Variants in CNTN4 observed in about 807,000 individuals in gnomAD.
CNTN4 encodes the protein contactin 4, also known as contactin-4.
In CNTN4, 77 loss-of-function variants were observed where a neutral mutation model predicts 122.5. That is an observed-to-expected ratio of 0.63 (90% CI 0.52 to 0.76). The LOEUF is 0.76. Ranked by LOEUF, CNTN4 falls within the 30% of genes least tolerant of loss-of-function variation. CNTN4 has a pLI of 0.00. For synonymous variants in CNTN4, 512 were observed against 447.0 expected (o/e 1.15, Z -1.83); for missense variants, 1,256 against 1,259.1 (o/e 1.00, Z 0.04).
At chr3:2,315,687 C>T (rs1014525300) in intron 2 of CNTN4, among the ~76,000 whole-genome samples, 5 of 151,786 alleles carry the variant, frequency 3.3e-5, no homozygotes, top group Admixed American at 1.3e-4. Flanking sequence ...TAAATTTATG[C>T]GTCCTAGAAT....
At chr3:2,673,900 T>A (rs999262814) in intron 4 of CNTN4, among the ~76,000 whole-genome samples, 1 of 152,086 alleles carries the variant, frequency 6.6e-6, no homozygotes, top group African/African-American at 2.4e-5. Context: ...GAATGTTGCT[T>A]TGAGACCTCC....
chr3:2,642,059 C>G (rs891446979), intron 4 of CNTN4, among the ~76,000 whole-genome samples: 29 of 152,134 alleles, frequency 1.9e-4, no homozygotes, highest in Non-Finnish European at 4.0e-4. Context: ...AGCACTAACT[C>G]ACATGATCAC....
intron 3 of CNTN4, among the ~76,000 whole-genome samples, chr3:2,377,222 AGTT>A (rs1278235398): frequency 6.6e-6 from 1 of 151,998 alleles, no homozygotes; most frequent in African/African-American, 2.4e-5. Flanking sequence ...TACCATATCC[AGTT>A]GTTGTTGAAC....
intron 3 of CNTN4, among the ~76,000 whole-genome samples, chr3:2,557,661 G>A (rs1432892843): frequency 6.6e-6 from 1 of 151,708 alleles, no homozygotes; most frequent in African/African-American, 2.4e-5. Context: ...CCTGGGAGGC[G>A]GAGCTTGCAG....
intron 4 of CNTN4, among the ~76,000 whole-genome samples, chr3:2,590,320 G>T (rs1459246691): frequency 6.6e-6 from 1 of 152,162 alleles, no homozygotes. Flanking sequence ...GCAGTGGCAC[G>T]ATCTTGGCTC....
chr3:2,477,937 T>C (rs918092922), intron 3 of CNTN4, among the ~76,000 whole-genome samples: 1 of 152,320 alleles, frequency 6.6e-6, no homozygotes, highest in Middle Eastern at 3.4e-3. Context: ...GAGATTTTGC[T>C]GAAACATATA....
intron 2 of CNTN4, among the ~76,000 whole-genome samples, chr3:2,188,391 C>G (rs886299558): frequency 1.3e-5 from 2 of 152,138 alleles, no homozygotes; most frequent in African/African-American, 4.8e-5. Flanking sequence ...TTGCTGAAAA[C>G]AAATGCTTCA....
chr3:2,612,744 A>G (rs564385994), intron 4 of CNTN4, among the ~76,000 whole-genome samples: 1 of 152,274 alleles, frequency 6.6e-6, no homozygotes, highest in African/African-American at 2.4e-5. Context: ...TCATGTCTCT[A>G]TTACAGAATA....
intron 12 of CNTN4, among the ~76,000 whole-genome samples, chr3:2,917,055 C>T (rs1355724668): frequency 7.9e-6 from 1 of 126,146 alleles, no homozygotes; most frequent in Admixed American, 8.2e-5. Context: ...ATCCCGGCAC[C>T]TCGGGAGGCC....
At chr3:2,958,977 A>C (rs1217197371) in intron 13 of CNTN4, among the ~76,000 whole-genome samples, 1 of 152,212 alleles carries the variant, frequency 6.6e-6, no homozygotes, top group Non-Finnish European at 1.5e-5. Context: ...CCTCCAGGGA[A>C]CAGAAGGGTC....
At chr3:2,255,948 A>G (rs62247031) in intron 2 of CNTN4, among the ~76,000 whole-genome samples, 8 of 152,022 alleles carry the variant, frequency 5.3e-5, no homozygotes, top group Non-Finnish European at 1.0e-4. Flanking sequence ...TCAGAGCAGA[A>G]CTGAAGGAGA....
Position 2,710,016 on chromosome 3 carries a change from T to G in CNTN4, c.56-26199T>G, listed in dbSNP as rs116208421. ...ATTTTAAATTGTCGCTCTATAGATG[T>G]CATTAGTTTTCCTCTTGAAAAGGCA... On this transcript the variant is annotated intron_variant, in intron 4 of 24. Transcript: ENST00000418658. 3.5e-3 allele frequency among the ~76,000 whole-genome samples: 526 copies of G among 152,336 alleles called. 4 individuals are homozygous for G. Among genetic ancestry groups the G allele is most frequent in the African/African-American group, 0.012 (487 of 41,578 alleles).
rs376690766 is a variant in CNTN4 at position 2,289,053 on chromosome 3, A to G, written c.-144-50125A>G. On this transcript the variant is annotated intron_variant, in intron 2 of 24. Coordinates refer to ENST00000418658, the MANE Select transcript of CNTN4 (RefSeq NM_175607.3). Reference sequence around the variant, plus strand: ...CCCAGTGAATGGAGCTTGGCCCTATATTCTTGAGAAGTGCTTGCTTAGTAT... The same window carrying G: ...CCCAGTGAATGGAGCTTGGCCCTATGTTCTTGAGAAGTGCTTGCTTAGTAT... Among the ~76,000 whole-genome samples the G allele has an allele frequency of 1.1e-4, 17 of 152,334 alleles. No individual in the cohort carries two copies. In the South Asian group the frequency reaches 3.3e-3, roughly 30 times the overall value.
At chr3:2,260,287 C>T (rs546391337) in intron 2 of CNTN4, among the ~76,000 whole-genome samples, 2 of 152,182 alleles carry the variant, frequency 1.3e-5, no homozygotes, top group Admixed American at 1.3e-4. Context: ...CTACCATGGC[C>T]TCTACCCTGT....
At chr3:2,446,468 T>C (rs1428543493) in intron 3 of CNTN4, among the ~76,000 whole-genome samples, 2 of 152,196 alleles carry the variant, frequency 1.3e-5, no homozygotes, top group Non-Finnish European at 2.9e-5. Context: ...ACTGGCATCT[T>C]TCTTAAAGGG....
intron 3 of CNTN4, among the ~76,000 whole-genome samples, chr3:2,536,246 C>T (rs989624930): frequency 2.6e-5 from 4 of 152,100 alleles, no homozygotes; most frequent in African/African-American, 9.7e-5. Flanking sequence ...AATTTCAAAT[C>T]CACAAAGTTC....
At chr3:2,552,192 T>G (rs1243187528) in intron 3 of CNTN4, among the ~76,000 whole-genome samples, 1 of 152,098 alleles carries the variant, frequency 6.6e-6, no homozygotes, top group Non-Finnish European at 1.5e-5. Flanking sequence ...CTGTTACTGT[T>G]GAAACACATG....
chr3:2,403,143 C>T (rs149908399), intron 3 of CNTN4, among the ~76,000 whole-genome samples: 1,557 of 152,118 alleles, frequency 0.01, 15 homozygotes, highest in Non-Finnish European at 0.015. Flanking sequence ...CTTAAACCTT[C>T]TCTCTATATA....
At chr3:2,723,634 A>G (rs558046910) in intron 4 of CNTN4, among the ~76,000 whole-genome samples, 8 of 152,296 alleles carry the variant, frequency 5.3e-5, no homozygotes, top group African/African-American at 1.7e-4. Flanking sequence ...CCCATTCATG[A>G]GGGAGGAGTC....
Sources: gnomAD v4.1 joint callset for allele counts (sites outside exome capture counted in the v4.1 genomes callset) on GRCh38, gnomAD v4.1.1 for gene constraint, MANE v1.5 for transcripts, NCBI Gene and HGNC (gene_info 2026-07-23, HGNC 2026-07-21) for gene names.